The following NOSTRIN variants were observed in gnomAD, a reference collection of about 807,000 sequenced individuals.
The protein encoded by NOSTRIN is BM247 homolog.
A neutral mutation model predicts 59.0 loss-of-function variants in NOSTRIN; 63 were observed. That is an observed-to-expected ratio of 1.07 (90% confidence interval 0.87 to 1.32). NOSTRIN has a LOEUF of 1.32. NOSTRIN is among the 40% of genes most tolerant of loss of function. The pLI is 0.00. For missense variants in NOSTRIN, 512 were observed against 473.1 expected, an observed-to-expected ratio of 1.08 and a Z score of -0.76; for synonymous variants, 200 against 165.4, an observed-to-expected ratio of 1.21 and a Z score of -1.61.
intron 7 of NOSTRIN, among the ~76,000 whole-genome samples, chr2:168,840,753 C>A (rs1406954571): frequency 6.6e-6 from 1 of 152,076 alleles, no homozygotes; most frequent in Non-Finnish European, 1.5e-5. Flanking sequence ...GTCCTTGAAA[C>A]TCCTAAACTA....
intron 15 of NOSTRIN, among the ~76,000 whole-genome samples, chr2:168,862,420 T>G (rs1689521441): frequency 1.3e-5 from 2 of 152,242 alleles, no homozygotes; most frequent in African/African-American, 2.4e-5. Flanking sequence ...GTCATGCTCC[T>G]AATCACAGTG....
At chr2:168,793,454 A>C (rs565615164), upstream of NOSTRIN, among the ~76,000 whole-genome samples, 5 of 152,280 alleles carry the variant, frequency 3.3e-5, no homozygotes, top group South Asian at 1.0e-3. Context: ...CAAAAAATAA[A>C]AAATAAATTA....
At chr2:168,859,270 G>A (rs1420790238) in intron 12 of NOSTRIN, 1 of 401,776 alleles carries the variant, frequency 2.5e-6, no homozygotes, top group Non-Finnish European at 4.3e-6. Context: ...ATATTACCAA[G>A]GTTTCCTGTT....
At chr2:168,826,746 T>G (rs935496223) in intron 3 of NOSTRIN, among the ~76,000 whole-genome samples, 4 of 152,250 alleles carry the variant, frequency 2.6e-5, no homozygotes, top group Non-Finnish European at 5.9e-5. Flanking sequence ...TTAATTTACA[T>G]GCAATAATAA....
intron 11 of NOSTRIN, chr2:168,856,420 C>G (rs117802235): frequency 2.6e-6 from 1 of 385,656 alleles, no homozygotes; most frequent in South Asian, 2.8e-5. Flanking sequence ...ACTAAAAATA[C>G]GAAAATTAGC....
In NOSTRIN at chr2:168,825,600, A is replaced by T. The variant is rs142660804; in HGVS notation, c.197+883A>T. Among the ~76,000 whole-genome samples, 547 of 152,334 alleles carry T rather than the reference A, an allele frequency of 3.6e-3. 1 individual carries two copies. Among genetic ancestry groups the T allele is most frequent in the Non-Finnish European group, 5.8e-3 (395 of 68,036 alleles). On this transcript the variant is annotated intron_variant, in intron 3 of 15. Coordinates refer to ENST00000317647, the MANE Select transcript of NOSTRIN (RefSeq NM_001039724.4). ...GTGTGGAGAGCTTAGCACATTAGGT[A>T]CTGAAAGGTATTGGTTCACATTCTT...
At chr2:168,855,747 G>A (rs1190467280) in intron 11 of NOSTRIN, 1 of 405,916 alleles carries the variant, frequency 2.5e-6, no homozygotes, top group East Asian at 5.5e-5. Flanking sequence ...TTCTGAAATT[G>A]GCTAGAATGA....
At chr2:168,792,524 A>G (rs1685384304) in intron 2 of NOSTRIN, among the ~76,000 whole-genome samples, 1 of 152,142 alleles carries the variant, frequency 6.6e-6, no homozygotes, top group Admixed American at 6.6e-5. Context: ...ATCTTGACTC[A>G]CTGCAACCTC....
At chr2:168,802,850 T>C (rs1327395677) in intron 1 of NOSTRIN, among the ~76,000 whole-genome samples, 177 bp downstream of exon 1, 1 of 152,230 alleles carries the variant, frequency 6.6e-6, no homozygotes, top group Non-Finnish European at 1.5e-5. Flanking sequence ...AACAGAGCTT[T>C]TTCTAGGAAA....
Position 168,788,968 on chromosome 2 carries a change from C to T in NOSTRIN, c.-473+920C>T, listed in dbSNP as rs115323374. 8.3e-3 allele frequency among the ~76,000 whole-genome samples: 1,265 copies of T among 152,130 alleles called. 18 individuals carry two copies. Among genetic ancestry groups the T allele is most frequent in the African/African-American group, 0.029 (1,187 of 41,476 alleles). On this transcript the variant is annotated intron_variant, in intron 2 of 20. Transcript: ENST00000458381. ...TATTTCATAACTGTCCACCTCAGAG[C>T]CTAGAGTCAATGCCTCCTCAGTAGC...
intron 15 of NOSTRIN, among the ~76,000 whole-genome samples, chr2:168,862,392 T>TTGAC (rs1689518986): frequency 1.3e-5 from 2 of 152,196 alleles, no homozygotes; most frequent in Non-Finnish European, 2.9e-5. Flanking sequence ...CAACACAAGA[T>TTGAC]TTGAACTTGG....
At chr2:168,834,557 A>G (rs958582158) in intron 7 of NOSTRIN, among the ~76,000 whole-genome samples, 1 of 134,036 alleles carries the variant, frequency 7.5e-6, no homozygotes, top group African/African-American at 2.8e-5. Flanking sequence ...TACATTTTAA[A>G]CTTTATTTTA....
In NOSTRIN at chr2:168,860,794, G is replaced by A; in HGVS notation, c.1180-1G>A. ...TATGACTTTTTATGTCATTTGAACA[G>A]GAGCATACTCATAGCTATGTGAAAA... On this transcript the variant is annotated splice_acceptor_variant, in intron 13 of 15. Coordinates refer to ENST00000317647, the MANE Select transcript of NOSTRIN (RefSeq NM_001039724.4). LOFTEE classifies it high-confidence loss of function. The A allele has an allele frequency of 6.4e-7, 1 of 1,570,934 alleles. No individual in the cohort carries two copies. Among genetic ancestry groups the A allele is most frequent in the Non-Finnish European group, 8.8e-7 (1 of 1,140,848 alleles).
chr2:168,856,809 G>A lies in NOSTRIN; in HGVS notation c.1053+31G>A, dbSNP rs566369798. The A allele has an allele frequency of 1.4e-5, 23 of 1,594,134 alleles. No homozygotes were observed. The East Asian group carries it at 4.7e-4, about 32-fold the overall frequency. ...TGTTTGCCGAGTGCATTTCCTAGATGTAGTGATGAAAAGGGTTATTTTTAG... is the reference window on the plus strand; with the variant it reads ...TGTTTGCCGAGTGCATTTCCTAGATATAGTGATGAAAAGGGTTATTTTTAG... On this transcript the variant is annotated intron_variant, in intron 12 of 15. Transcript: ENST00000317647.
rs547835104 is a variant in NOSTRIN at position 168,854,945 on chromosome 2, C to T, written c.856-407C>T. 5.3e-5 allele frequency among the ~76,000 whole-genome samples: 8 copies of T among 152,288 alleles called. No homozygotes were observed. In the South Asian group the frequency reaches 1.7e-3, roughly 32 times the overall value. ...CAGAACTCAGTCAAAATGTCTTCCA[C>T]TCCTGAGGCAGTCATAGCCTGAAAC... On this transcript the variant is annotated intron_variant, in intron 10 of 15. Coordinates refer to ENST00000317647, the MANE Select transcript of NOSTRIN (RefSeq NM_001039724.4).
At chr2:168,846,830 G>T (rs1688456819) in intron 8 of NOSTRIN, among the ~76,000 whole-genome samples, 1 of 152,170 alleles carries the variant, frequency 6.6e-6, no homozygotes, top group Admixed American at 6.5e-5. Flanking sequence ...TGCTTTCTCA[G>T]TTCTCCCAAG....
chr2:168,852,440 T>C (rs2105760358), intron 10 of NOSTRIN, among the ~76,000 whole-genome samples: 2 of 152,326 alleles, frequency 1.3e-5, no homozygotes, highest in Middle Eastern at 6.8e-3. Context: ...GATTTTGGCC[T>C]CTGCTCCCCT....
At chr2:168,817,679 G>A (rs918757515) in intron 2 of NOSTRIN, among the ~76,000 whole-genome samples, 9 of 152,118 alleles carry the variant, frequency 5.9e-5, no homozygotes, top group African/African-American at 1.9e-4. Flanking sequence ...CATTGCTTAC[G>A]TTTTCCCTGG....
At chr2:168,843,337 C>T (rs1037525369) in intron 8 of NOSTRIN, among the ~76,000 whole-genome samples, 4 of 152,196 alleles carry the variant, frequency 2.6e-5, no homozygotes, top group African/African-American at 9.7e-5. Context: ...AGAGTTTCTG[C>T]TCCTAATTCT....
Sources: allele counts gnomAD v4.1 joint callset (sites outside exome capture counted in the v4.1 genomes callset), GRCh38; gene constraint gnomAD v4.1.1; transcripts MANE v1.5; gene names NCBI Gene and HGNC (gene_info 2026-07-23, HGNC 2026-07-21).